UBN2: variants seen among roughly 807,000 people sequenced by gnomAD.
UBN2 encodes the protein ubinuclein 2.
UBN2 carries 35 observed loss-of-function variants against 120.2 expected under a neutral mutation model. That is an observed-to-expected ratio of 0.29 (90% CI 0.22 to 0.39). The LOEUF is 0.39. Ranked by LOEUF, UBN2 falls within the 10% of genes least tolerant of loss-of-function variation. The pLI, the probability that UBN2 is intolerant of heterozygous loss-of-function variation, is 1.00. For missense variants in UBN2, 1,693 were observed against 1,663.2 expected, an observed-to-expected ratio of 1.02 and a Z score of -0.31; for synonymous variants, 661 against 648.7, an observed-to-expected ratio of 1.02 and a Z score of -0.29.
chr7:139,295,523 G>A (rs777237512), intron 17 of UBN2, among the ~76,000 whole-genome samples: 14 of 152,150 alleles, frequency 9.2e-5, no homozygotes, highest in Admixed American at 4.6e-4. Context: ...CCCAGTGTTC[G>A]CTCTTACACG....
the UBN2 span, among the ~76,000 whole-genome samples, chr7:139,316,980 T>C: frequency 6.6e-6 from 1 of 151,644 alleles, no homozygotes; most frequent in African/African-American, 2.4e-5. Flanking sequence ...TCACCCAGGC[T>C]GGAGTGCAAT....
the UBN2 span, among the ~76,000 whole-genome samples, chr7:139,314,956 T>TTGA: frequency 2.0e-5 from 3 of 151,226 alleles, no homozygotes. Flanking sequence ...TTATATCTTT[T>TTGA]TGATATAATA....
At chr7:139,269,064 C>G (rs1797184359) in intron 7 of UBN2, among the ~76,000 whole-genome samples, 1 of 152,056 alleles carries the variant, frequency 6.6e-6, no homozygotes, top group Non-Finnish European at 1.5e-5. Flanking sequence ...AAAAACTTAG[C>G]TGGGCATGGT....
At position 139,284,339 on chromosome 7, in the gene UBN2, C is replaced by T. The variant is rs1346104321; in HGVS notation, c.3434C>T (p.Ala1145Val). The T allele has an allele frequency of 1.2e-6, 2 of 1,614,168 alleles. No homozygotes were observed. Among genetic ancestry groups the T allele is most frequent in the African/African-American group, 1.3e-5 (1 of 75,044 alleles). Residue 1145 changes from alanine to valine, a missense_variant, in exon 15 of 18, where the codon GCC becomes GTC. Physicochemically the swap from Ala to Val is moderately conservative, Grantham distance 64. Coordinates refer to ENST00000473989, the MANE Select transcript of UBN2 (RefSeq NM_173569.4). Reference protein sequence around the residue: ...SGLPPTKNLQAPSKLTNSSST... With the variant: ...SGLPPTKNLQVPSKLTNSSST... ...CTTCCACCTACAAAAAATCTTCAGGCCCCCTCAAAGCTAACAAACTCATCA... is the reference window on the plus strand; with the variant it reads ...CTTCCACCTACAAAAAATCTTCAGGTCCCCTCAAAGCTAACAAACTCATCA...
At chr7:139,259,433 AAGAT>A in intron 5 of UBN2, 63 bp downstream of exon 5, 1 of 1,586,340 alleles carries the variant, frequency 6.3e-7, no homozygotes. Context: ...TCCCTTTAGA[AAGAT>A]ATACTTACCA....
Position 139,303,092 on chromosome 7 carries a change from A to G in UBN2, c.*5256A>G, listed in dbSNP as rs1563234033. 1 of 152,220 alleles carries G rather than the reference A, an allele frequency of 6.6e-6. No homozygotes were observed. The highest frequency in any genetic ancestry group is 2.4e-5 in the African/African-American group (1 of 41,452). 9.4% of individuals were successfully genotyped at this position (152,220 alleles called of 1,614,324 possible). A position where few individuals can be genotyped will look rare whatever the true frequency, so the allele number is the denominator to read the frequency against. Reference sequence around the variant, plus strand: ...ATTTTTGAAGAAATCATATAGCTGCATATCTATCTGTTAAAAGGTTAATAA... The same window carrying G: ...ATTTTTGAAGAAATCATATAGCTGCGTATCTATCTGTTAAAAGGTTAATAA... On this transcript the variant is annotated 3_prime_UTR_variant, in exon 18 of 18. Coordinates refer to ENST00000473989, the MANE Select transcript of UBN2 (RefSeq NM_173569.4).
At position 139,293,371 on chromosome 7, in the gene UBN2, C is replaced by T. The variant is rs1798018027; in HGVS notation, c.3809C>T (p.Pro1270Leu). ...CCAGTGACCATGCCCTTCCAGTTTC[C>T]CTTGGAGATATTTGGCTTTGGAACG... ...LVPVTMPFQF[P>L]LEIFGFGTDT... is the part of the protein sequence containing the mutation. Residue 1270 changes from proline (P) to leucine (L), a missense_variant, in exon 16 of 18, where the codon CCC (proline) becomes CTC (leucine). Coordinates refer to ENST00000473989, the MANE Select transcript of UBN2 (RefSeq NM_173569.4). 1 of 1,613,960 alleles carries T rather than the reference C, an allele frequency of 6.2e-7. No homozygotes were observed. Among genetic ancestry groups the T allele is most frequent in the Non-Finnish European group, 8.5e-7 (1 of 1,180,010 alleles).
intron 15 of UBN2, among the ~76,000 whole-genome samples, chr7:139,292,181 A>G (rs1797978587): frequency 6.6e-6 from 1 of 152,132 alleles, no homozygotes; most frequent in African/African-American, 2.4e-5. Context: ...TTGAGCCTCC[A>G]GGAGGTTGAG....
intron 2 of UBN2, among the ~76,000 whole-genome samples, chr7:139,241,198 A>G (rs1466010641): frequency 6.6e-6 from 1 of 152,182 alleles, no homozygotes; most frequent in Non-Finnish European, 1.5e-5. Flanking sequence ...GATAACCTAT[A>G]ATTGTTGGAA....
At chr7:139,296,851 G>A (rs1186329728) in intron 17 of UBN2, among the ~76,000 whole-genome samples, 1 of 152,076 alleles carries the variant, frequency 6.6e-6, no homozygotes, top group East Asian at 1.9e-4. Flanking sequence ...GATCGCACCT[G>A]TGCATAGCCA....
chr7:139,277,318 T>A (rs1390551473), intron 12 of UBN2: 2 of 152,190 alleles, frequency 1.3e-5, no homozygotes, highest in Non-Finnish European at 2.9e-5. Flanking sequence ...CAGTCAGAAA[T>A]CCATGTGTAA....
Position 139,301,025 on chromosome 7 carries a change from A to G in UBN2, c.*3189A>G, listed in dbSNP as rs940439984. 1 of 152,250 alleles carries G rather than the reference A, an allele frequency of 6.6e-6. No homozygotes were observed. Among genetic ancestry groups the G allele is most frequent in the African/African-American group, 2.4e-5 (1 of 41,462 alleles). 9.4% of individuals were successfully genotyped at this position (152,250 alleles called of 1,614,324 possible). ...GGGAAAGGAAATGAGGCTAATCTGTAGTCATAAAATTCTGATACTTTGCGG... is the reference window on the plus strand; with the variant it reads ...GGGAAAGGAAATGAGGCTAATCTGTGGTCATAAAATTCTGATACTTTGCGG... On this transcript the variant is annotated 3_prime_UTR_variant, in exon 18 of 18. Transcript: ENST00000473989.
At chr7:139,257,749 A>C (rs948025325) in intron 3 of UBN2, among the ~76,000 whole-genome samples, 1 of 152,138 alleles carries the variant, frequency 6.6e-6, no homozygotes, top group Non-Finnish European at 1.5e-5. Context: ...TCTCCACTTA[A>C]AAGCATACGG....
At chr7:139,315,769 C>T in the UBN2 span, among the ~76,000 whole-genome samples, 1 of 152,052 alleles carries the variant, frequency 6.6e-6, no homozygotes, top group African/African-American at 2.4e-5. Context: ...ATAAGAGTTC[C>T]AGTTCCGGCC....
chr7:139,275,454 G>A (rs945242804), intron 11 of UBN2, among the ~76,000 whole-genome samples: 5 of 151,312 alleles, frequency 3.3e-5, no homozygotes, highest in African/African-American at 1.2e-4. Context: ...ATGGTGGCGG[G>A]CACCTGTAGT....
In UBN2 at chr7:139,231,704, C is replaced by G; in HGVS notation, c.220C>G (p.Gln74Glu). The G allele has an allele frequency of 8.5e-7, 1 of 1,179,160 alleles. No homozygotes were observed. 73.0% of individuals were successfully genotyped at this position (1,179,160 alleles called of 1,614,324 possible). A position where few individuals can be genotyped will look rare whatever the true frequency, so the allele number is the denominator to read the frequency against. ...QPPSREKPLP[Q>E]REVSRAEPPM... ...CCCGTCGCGGGAGAAGCCGCTCCCC[C>G]AGCGCGAGGTCAGCCGCGCCGAGCC... is the stretch of plus-strand genomic sequence containing the variant. The change falls in exon 1 of 18, where the codon CAG becomes GAG. Residue 74 changes from glutamine (Q) to glutamate (E), a missense_variant. Gln to Glu is a conservative substitution (Grantham distance 29, BLOSUM62 2). This residue lies in a region of UBN2 where 663 missense variants were observed against 591.2 expected (regional missense o/e 1.12). Coordinates refer to ENST00000473989, the MANE Select transcript of UBN2 (RefSeq NM_173569.4).
intron 2 of UBN2, among the ~76,000 whole-genome samples, chr7:139,237,545 C>T (rs1018188651): frequency 6.6e-6 from 1 of 152,122 alleles, no homozygotes; most frequent in African/African-American, 2.4e-5. Flanking sequence ...ATCCATCCTG[C>T]CAAGTAGCCA....
chr7:139,233,680 C>T (rs1459244365), intron 1 of UBN2, among the ~76,000 whole-genome samples: 4 of 152,008 alleles, frequency 2.6e-5, no homozygotes, highest in Non-Finnish European at 5.9e-5. Context: ...GCCAAAATGA[C>T]GTAAAATGTA....
In UBN2 at chr7:139,231,541, G is replaced by A; in HGVS notation, c.57G>A (p.Glu19=). The A allele has an allele frequency of 1.4e-6, 2 of 1,425,654 alleles. No homozygotes were observed. The highest frequency in any genetic ancestry group is 1.8e-6 in the Non-Finnish European group (2 of 1,081,192). 88.3% of individuals were successfully genotyped at this position (1,425,654 alleles called of 1,614,324 possible). The part of the protein sequence containing the change: ...FISLSPVRRR[E]AEYPGPEREP... ...GCTTGTCACCGGTGCGGCGGCGCGA[G>A]GCCGAGTACCCGGGGCCCGAGCGTG... The change falls in exon 1 of 18, where the codon GAG becomes GAA. Residue 19 remains glutamate, a synonymous_variant. Transcript: ENST00000473989.
Sources: gnomAD v4.1 joint callset for allele counts (sites outside exome capture counted in the v4.1 genomes callset) on GRCh38, gnomAD v4.1.1 for gene constraint, gnomAD v4.1.1 regional missense constraint, MANE v1.5 for transcripts, NCBI Gene and HGNC (gene_info 2026-07-23, HGNC 2026-07-21) for gene names.